Variants in ZNF350 observed in about 807,000 individuals in gnomAD.
The protein encoded by ZNF350 is KRAB zinc finger protein ZFQR.
In ZNF350, 5 loss-of-function variants were observed where a neutral mutation model predicts 13.1. The observed-to-expected ratio is 0.38, with a 90% CI of 0.20 to 0.80. The LOEUF (loss-of-function observed/expected upper bound fraction) is 0.80. Among genes scored for constraint, ZNF350 ranks in the 30% least tolerant of loss-of-function variants. The pLI, the probability that ZNF350 is intolerant of heterozygous loss-of-function variation, is 0.43. For synonymous variants in ZNF350, 199 were observed against 224.2 expected (o/e 0.89, Z 1.00); for missense variants, 534 against 644.2 (o/e 0.83, Z 1.85).
In ZNF350 at chr19:51,964,485, T is replaced by C. The variant is rs113301052; in HGVS notation, c.*369A>G. 3 of 232,260 alleles carry C rather than the reference T, an allele frequency of 1.3e-5. No homozygotes were observed. Among genetic ancestry groups the C allele is most frequent in the African/African-American group, 4.5e-5 (2 of 44,022 alleles). 14.4% of individuals were successfully genotyped at this position (232,260 alleles called of 1,614,324 possible). ...TCTAAGGAAACTGAATTGACACATA[T>C]GTGTCCCACATTCCACCATTACAGT... On this transcript the variant is annotated 3_prime_UTR_variant, in exon 5 of 5. Transcript: ENST00000243644.
At chr19:51,986,329 T>C (rs2086157860) in intron 1 of ZNF350, among the ~76,000 whole-genome samples, 1 of 152,118 alleles carries the variant, frequency 6.6e-6, no homozygotes, top group Admixed American at 6.5e-5. Flanking sequence ...CAAGCCTTTG[T>C]ACCACAGACA....
chr19:51,984,789 A>G (rs1487359520), intron 1 of ZNF350, among the ~76,000 whole-genome samples: 1 of 152,218 alleles, frequency 6.6e-6, no homozygotes, highest in Non-Finnish European at 1.5e-5. Context: ...AAGAGACCAT[A>G]TGTAGCCTGC....
chr19:51,984,190 A>G (rs2086118767), intron 1 of ZNF350: 1 of 152,050 alleles, frequency 6.6e-6, no homozygotes, highest in South Asian at 2.1e-4. Flanking sequence ...AAATTAAAAA[A>G]AAAAAAAAAA....
chr19:51,974,226 C>A, intron 2 of ZNF350, 120 bp downstream of exon 2: 1 of 1,102,510 alleles, frequency 9.1e-7, no homozygotes, highest in East Asian at 2.5e-5. Flanking sequence ...AAGCTTACTT[C>A]TCTCCAGATC....
intron 2 of ZNF350, 89 bp downstream of exon 2, chr19:51,974,256 CT>C: frequency 7.0e-7 from 1 of 1,437,486 alleles, no homozygotes. Context: ...GAAATTTATA[CT>C]TTTTATATTA....
At position 51,965,000 on chromosome 19, in the gene ZNF350, C is replaced by T; in HGVS notation, c.1453G>A (p.Val485Ile). 1 of 1,614,208 alleles carries T rather than the reference C, an allele frequency of 6.2e-7. No individual in the cohort carries two copies. The highest frequency in any genetic ancestry group is 8.5e-7 in the Non-Finnish European group (1 of 1,180,040). Residue 485 changes from valine (V) to isoleucine (I), a missense_variant, in exon 5 of 5, where the codon GTC (valine) becomes ATC (isoleucine). Physicochemically the swap from Val to Ile is conservative, Grantham distance 29 (BLOSUM62 3). Coordinates refer to ENST00000243644, the MANE Select transcript of ZNF350 (RefSeq NM_021632.4). ...CTGACCACTGGCTGTCCCACAAGGACTACGTTCCTGTTTGCGAGGAGGCCG... is the reference window on the plus strand; with the variant it reads ...CTGACCACTGGCTGTCCCACAAGGATTACGTTCCTGTTTGCGAGGAGGCCG... ...ISGLLANRNVVLVGQPVVRCA... is the reference protein window; with the variant it reads ...ISGLLANRNVILVGQPVVRCA...
intron 2 of ZNF350, among the ~76,000 whole-genome samples, chr19:51,971,591 C>G (rs1008344107): frequency 2.0e-5 from 3 of 152,216 alleles, no homozygotes; most frequent in African/African-American, 7.2e-5. Context: ...CTGAGGTTAT[C>G]TACTGCAACA....
intron 2 of ZNF350, among the ~76,000 whole-genome samples, chr19:51,969,377 A>T (rs1299834690): frequency 6.6e-6 from 1 of 152,044 alleles, no homozygotes; most frequent in Non-Finnish European, 1.5e-5. Context: ...ACCTAAAAAC[A>T]ATATATTTAT....
rs146783196 is a variant in ZNF350 at position 51,966,209 on chromosome 19, A to G, written c.244T>C (p.Trp82Arg). 1.7e-5 allele frequency: 26 copies of G among 1,563,526 alleles called. No homozygotes were observed. In the South Asian group the frequency reaches 2.1e-4, roughly 12 times the overall value. ...GIHSGACSDI[W>R]KVDHVLERLQ... ...CGCTCCAGCACATGATCAACTTTCC[A>G]TATGTCTAGAAAGAAAAGAACAAAG... Residue 82 changes from tryptophan to arginine, a missense_variant, in exon 5 of 5, where the codon TGG becomes CGG. Physicochemically the swap from Trp to Arg is moderately radical, Grantham distance 101. Coordinates refer to ENST00000243644, the MANE Select transcript of ZNF350 (RefSeq NM_021632.4).
rs978685230 is a variant in ZNF350 at position 51,976,536 on chromosome 19, G to A, written c.-171-2005C>T. 12 of 152,356 alleles carry A rather than the reference G, an allele frequency of 7.9e-5. No individual in the cohort carries two copies. The highest frequency in any genetic ancestry group is 2.2e-4 in the African/African-American group (9 of 41,448). 9.4% of individuals were successfully genotyped at this position (152,356 alleles called of 1,614,324 possible). ...AGGAACTGAAATTGACAAGGCGAAA[G>A]GGGACCCTGGGAAGAGTCTGCCGGC... On this transcript the variant is annotated intron_variant, in intron 1 of 4. Coordinates refer to ENST00000243644, the MANE Select transcript of ZNF350 (RefSeq NM_021632.4). The surrounding 1 kb of genome is among the most constrained non-coding windows in gnomAD (Gnocchi z 4.5).
At chr19:51,983,058 G>A (rs2086084245) in intron 1 of ZNF350, among the ~76,000 whole-genome samples, 1 of 152,210 alleles carries the variant, frequency 6.6e-6, no homozygotes, top group African/African-American at 2.4e-5. Flanking sequence ...AAGTTCCTCT[G>A]TCTTGAGATA....
At chr19:51,974,142 C>T in intron 2 of ZNF350, 1 of 478,120 alleles carries the variant, frequency 2.1e-6, no homozygotes, top group Non-Finnish European at 3.7e-6. Context: ...TCACAAAATT[C>T]ATAATTTAGT....
intron 1 of ZNF350, among the ~76,000 whole-genome samples, chr19:51,980,040 G>A (rs1242175924): frequency 6.6e-6 from 1 of 152,188 alleles, no homozygotes; most frequent in African/African-American, 2.4e-5. Context: ...GCAATAGTAA[G>A]CAACACAGTC....
In ZNF350 at chr19:51,986,798, G is replaced by A. The variant is rs2086166976; in HGVS notation, c.-200C>T. The stretch of plus-strand genomic sequence containing the variant: ...TATTTTCTCCAGATACACAAGAAGG[G>A]CCTCAACGTTACACTTCCGTAAACT... On this transcript the variant is annotated 5_prime_UTR_variant, in exon 1 of 5. Coordinates refer to ENST00000243644, the MANE Select transcript of ZNF350 (RefSeq NM_021632.4). The A allele has an allele frequency of 1.3e-5, 2 of 152,158 alleles. No individual in the cohort carries two copies. Among genetic ancestry groups the A allele is most frequent in the South Asian group, 4.1e-4 (2 of 4,820 alleles). The allele number at this position is 152,158 out of a possible 1,614,324, so 9.4% of individuals were successfully genotyped here. A position where few individuals can be genotyped will look rare whatever the true frequency, so the allele number is the denominator to read the frequency against.
At chr19:51,970,300 C>T (rs564851478) in intron 2 of ZNF350, among the ~76,000 whole-genome samples, 19 of 152,020 alleles carry the variant, frequency 1.2e-4, no homozygotes, top group African/African-American at 3.9e-4. Context: ...TGACCTTAGA[C>T]GATCCACCCA....
intron 1 of ZNF350, chr19:51,974,925 C>G (rs946247565): frequency 6.6e-6 from 1 of 152,246 alleles, no homozygotes; most frequent in Non-Finnish European, 1.5e-5. Context: ...GTACATACAC[C>G]CTGTGAAGAC....
intron 2 of ZNF350, among the ~76,000 whole-genome samples, chr19:51,970,059 A>ATTT (rs60960172): frequency 0.15 from 17,045 of 114,258 alleles, 1,829 homozygotes; most frequent in South Asian, 0.24. Context: ...CGCCTGGCTA[A>ATTT]TTTTTTTTTT....
rs1412767365 is a variant in ZNF350 at position 51,965,284 on chromosome 19, A to G, written c.1169T>C (p.Ile390Thr). Reference sequence around the variant, plus strand: ...TCCTGTATGAGTCCTTTGATGGACAATGAGCTTTTGCTTTGTGCTAAAGGC... The same window carrying G: ...TCCTGTATGAGTCCTTTGATGGACAGTGAGCTTTTGCTTTGTGCTAAAGGC... ...GKAFSTKQKL[I>T]VHQRTHTGER... is the part of the protein sequence containing the mutation. Residue 390 changes from isoleucine to threonine, a missense_variant, in exon 5 of 5, where the codon ATT (isoleucine) becomes ACT (threonine). Coordinates refer to ENST00000243644, the MANE Select transcript of ZNF350 (RefSeq NM_021632.4). 12 of 1,613,930 alleles carry G rather than the reference A, an allele frequency of 7.4e-6. No individual in the cohort carries two copies. Among genetic ancestry groups the G allele is most frequent in the East Asian group, 2.2e-5 (1 of 44,894 alleles).
chr19:51,967,704 T>TA (rs1286742552), intron 4 of ZNF350, among the ~76,000 whole-genome samples: 2 of 152,140 alleles, frequency 1.3e-5, no homozygotes, highest in Non-Finnish European at 2.9e-5. Flanking sequence ...TGTAGGATGT[T>TA]AAAAAAATGA....
Sources: allele counts gnomAD v4.1 joint callset (sites outside exome capture counted in the v4.1 genomes callset), GRCh38; gene constraint gnomAD v4.1.1; non-coding constraint Gnocchi (gnomAD v3.1); transcripts MANE v1.5; gene names NCBI Gene and HGNC (gene_info 2026-07-23, HGNC 2026-07-21).